Variants in MGMT observed in about 807,000 individuals in gnomAD.
MGMT encodes O-6-methylguanine-DNA methyltransferase, also known as methylated-DNA--protein-cysteine methyltransferase.
A neutral mutation model predicts 15.9 loss-of-function variants in MGMT; 14 were observed. The observed-to-expected ratio is 0.88, with a 90% confidence interval of 0.58 to 1.37. MGMT has a LOEUF of 1.37. Ranked by LOEUF, MGMT falls within the 40% of genes most tolerant of loss-of-function variation. The probability of loss-of-function intolerance (pLI) is 0.00; values close to 1 mark genes in which losing one functional copy is unlikely to be tolerated. For synonymous variants in MGMT, 130 were observed against 118.2 expected (o/e 1.10, Z -0.65); for missense variants, 282 against 268.1 (o/e 1.05, Z -0.36).
rs774653754 is a variant in MGMT, at chr10:129,467,243, C to A, written c.-66C>A. The stretch of plus-strand genomic sequence containing the variant: ...GCTGGGACAGCCCGCGCCCCTAGAA[C>A]GCTTTGCGTCCCGACGCCCGCAGGT... On this transcript the variant is annotated 5_prime_UTR_variant, in exon 1 of 5. Transcript: ENST00000651593. The A allele has an allele frequency of 2.0e-6, 3 of 1,505,870 alleles. No individual in the cohort carries two copies. The highest frequency in any genetic ancestry group is 2.4e-5 in the South Asian group (2 of 83,202). 93.3% of individuals were successfully genotyped at this position (1,505,870 alleles called of 1,614,324 possible).
At chr10:129,646,754 A>ATATATATATATATATTTTTTTTTTTTT in intron 2 of MGMT, among the ~76,000 whole-genome samples, 37 of 86,602 alleles carry the variant, frequency 4.3e-4, no homozygotes, top group Non-Finnish European at 8.2e-4. Context: ...ATATATATAT[A>ATATATATATATATATTTTTTTTTTTTT]TTTTCAGGGA....
chr10:129,587,566 T>G (rs1294823423), intron 2 of MGMT, among the ~76,000 whole-genome samples: 1 of 151,474 alleles, frequency 6.6e-6, no homozygotes, highest in African/African-American at 2.4e-5. Flanking sequence ...CTTGGCTCAC[T>G]GCAACCTCCT....
intron 2 of MGMT, among the ~76,000 whole-genome samples, chr10:129,571,760 C>T (rs1159173539): frequency 2.0e-5 from 3 of 152,114 alleles, no homozygotes; most frequent in Non-Finnish European, 2.9e-5. Flanking sequence ...TTAGAACCGC[C>T]GTGTGTTTTA....
At position 129,657,699 on chromosome 10, in the gene MGMT, A is replaced by ACACG. The variant is rs1554874784; in HGVS notation, c.126-50193_126-50192insGCAC. ...AACACACACACACACACACACACACACACACACGCACACACACACACACAC... is the reference window on the plus strand; with the variant it reads ...AACACACACACACACACACACACACACACGCACACACGCACACACACACACACAC... On this transcript the variant is annotated intron_variant, in intron 2 of 4. Transcript: ENST00000651593. 2.7e-3 allele frequency among the ~76,000 whole-genome samples: 338 copies of ACACG among 124,886 alleles called. 1 individual carries two copies. The highest frequency in any genetic ancestry group is 0.011 in the African/African-American group (316 of 27,878). 81.9% of individuals were successfully genotyped at this position (124,886 alleles called of 152,430 possible). A position where few individuals can be genotyped will look rare whatever the true frequency, so the allele number is the denominator to read the frequency against.
intron 2 of MGMT, among the ~76,000 whole-genome samples, chr10:129,638,448 A>AAAAAAAAG (rs1847289912): frequency 6.7e-6 from 1 of 148,592 alleles, no homozygotes; most frequent in African/African-American, 2.5e-5. Context: ...AAAAAAAAGA[A>AAAAAAAAG]AAAAAAAAGA....
At chr10:129,562,944 G>C (rs769575320) in intron 2 of MGMT, among the ~76,000 whole-genome samples, 1 of 152,116 alleles carries the variant, frequency 6.6e-6, no homozygotes, top group South Asian at 2.1e-4. Context: ...AGCAGCCTAC[G>C]TGCAGTAGAA....
At chr10:129,602,595 GCTGTCCTTTCGGCTT>G (rs1846837104) in intron 2 of MGMT, among the ~76,000 whole-genome samples, 1 of 152,178 alleles carries the variant, frequency 6.6e-6, no homozygotes, top group African/African-American at 2.4e-5. Flanking sequence ...AGGATTTCCT[GCTGTCCTTTCGGCTT>G]CAGGTAACTA....
At chr10:129,516,411 C>G (rs1465491829) in intron 1 of MGMT, among the ~76,000 whole-genome samples, 2 of 152,132 alleles carry the variant, frequency 1.3e-5, no homozygotes, top group Non-Finnish European at 2.9e-5. Flanking sequence ...GCTGATATCA[C>G]AGTGGCGTGG....
chr10:129,645,517 G>A (rs1225185828), intron 2 of MGMT, among the ~76,000 whole-genome samples: 3 of 152,154 alleles, frequency 2.0e-5, no homozygotes, highest in African/African-American at 7.2e-5. Context: ...GGCTGGAAGG[G>A]GGAAGGGTTC....
At position 129,520,900 on chromosome 10, in the gene MGMT, A is replaced by G. The variant is rs1427381756; in HGVS notation, c.-12-15341A>G. ...CCTACAGTGCGGGTGCAGAGCCCCTATGGTGTGCATACAGAACCCCTACGG... is the reference window on the plus strand; with the variant it reads ...CCTACAGTGCGGGTGCAGAGCCCCTGTGGTGTGCATACAGAACCCCTACGG... On this transcript the variant is annotated intron_variant, in intron 1 of 4. Transcript: ENST00000651593. Among the ~76,000 whole-genome samples, 9 of 150,700 alleles carry G rather than the reference A, an allele frequency of 6.0e-5. 1 individual carries two copies. The highest frequency in any genetic ancestry group is 5.3e-4 in the Admixed American group (8 of 15,174).
intron 3 of MGMT, among the ~76,000 whole-genome samples, chr10:129,754,717 C>G (rs1328337577): frequency 6.6e-6 from 1 of 152,236 alleles, no homozygotes; most frequent in Non-Finnish European, 1.5e-5. Flanking sequence ...GGAAGGCATT[C>G]CATGGCGAGG....
chr10:129,743,719 C>A (rs1225506412), intron 3 of MGMT, among the ~76,000 whole-genome samples: 3 of 152,248 alleles, frequency 2.0e-5, no homozygotes, highest in Non-Finnish European at 2.9e-5. Context: ...AGCTGACATG[C>A]TGAAACAAAT....
intron 2 of MGMT, 142 bp from the exon 3 acceptor site, chr10:129,707,753 T>A: frequency 8.8e-7 from 1 of 1,142,576 alleles, no homozygotes; most frequent in Non-Finnish European, 1.3e-6. Flanking sequence ...AGTCCCCCTT[T>A]CTGCTGCACA....
intron 1 of MGMT, among the ~76,000 whole-genome samples, chr10:129,522,592 A>C (rs1025525206): frequency 6.6e-6 from 1 of 152,230 alleles, no homozygotes; most frequent in African/African-American, 2.4e-5. Flanking sequence ...ACATGACACA[A>C]AAACCACACG....
intron 3 of MGMT, among the ~76,000 whole-genome samples, chr10:129,718,856 G>T (rs866448632): frequency 7.3e-4 from 111 of 151,874 alleles, no homozygotes; most frequent in African/African-American, 2.6e-3. Context: ...CTGTATGCTT[G>T]CTCAGGCATG....
intron 1 of MGMT, 144 bp from the exon 2 acceptor site, chr10:129,536,097 A>G: frequency 1.1e-6 from 1 of 911,346 alleles, no homozygotes; most frequent in Non-Finnish European, 1.6e-6. Context: ...CATATTGTGA[A>G]AATGATGCAT....
At chr10:129,481,901 T>C (rs909038245) in intron 1 of MGMT, among the ~76,000 whole-genome samples, 1 of 152,216 alleles carries the variant, frequency 6.6e-6, no homozygotes, top group Non-Finnish European at 1.5e-5. Context: ...TTGATTTTTC[T>C]CTCTTACTGA....
At chr10:129,644,901 G>A (rs184277209) in intron 2 of MGMT, among the ~76,000 whole-genome samples, 32 of 152,264 alleles carry the variant, frequency 2.1e-4, no homozygotes, top group East Asian at 7.8e-4. Context: ...GGCAGGTCCT[G>A]TGGAGGCAGA....
intron 1 of MGMT, among the ~76,000 whole-genome samples, chr10:129,530,154 C>T (rs1009556045): frequency 2.0e-5 from 3 of 152,154 alleles, no homozygotes; most frequent in African/African-American, 4.8e-5. Context: ...CCTCCTGCCT[C>T]GGCCTGCCAA....
Sources: allele counts gnomAD v4.1 joint callset (sites outside exome capture counted in the v4.1 genomes callset), GRCh38; gene constraint gnomAD v4.1.1; transcripts MANE v1.5; gene names NCBI Gene and HGNC (gene_info 2026-07-23, HGNC 2026-07-21).